NUCB2: variants seen among roughly 807,000 people sequenced by gnomAD.
NUCB2 encodes nucleobindin 2, also known as nucleobindin-2.
In NUCB2, 48 loss-of-function variants were observed where a neutral mutation model predicts 57.9. The ratio of observed to expected loss-of-function variants is 0.83; its 90% CI spans 0.66 to 1.05. The LOEUF (loss-of-function observed/expected upper bound fraction) is 1.05. Ranked by LOEUF, NUCB2 falls within the 50% of genes least tolerant of loss-of-function variation. The pLI, the probability that NUCB2 is intolerant of heterozygous loss-of-function variation, is 0.00. For synonymous variants in NUCB2, 139 were observed against 152.1 expected, an observed-to-expected ratio of 0.91 and a Z score of 0.64; for missense variants, 442 against 476.2, an observed-to-expected ratio of 0.93 and a Z score of 0.67.
chr11:17,282,258 A>ATT (rs71047540), intron 1 of NUCB2, among the ~76,000 whole-genome samples: 5,983 of 102,718 alleles, frequency 0.058, 265 homozygotes, highest in South Asian at 0.07. Context: ...ATATATATAT[A>ATT]TTTTTTTTTT....
intron 2 of NUCB2, among the ~76,000 whole-genome samples, chr11:17,337,797 C>T (rs982009531): frequency 2.0e-5 from 3 of 152,034 alleles, no homozygotes; most frequent in Non-Finnish European, 4.4e-5. Context: ...CCACATCTGG[C>T]TAATTTTTTA....
At chr11:17,333,188 C>T (rs369484657), downstream of NUCB2, 1 of 152,214 alleles carries the variant, frequency 6.6e-6, no homozygotes, top group South Asian at 2.1e-4. Flanking sequence ...AGAGGAATTC[C>T]TTTACCTAAT....
chr11:17,292,311 C>T (rs576188134), intron 2 of NUCB2, among the ~76,000 whole-genome samples: 2 of 152,232 alleles, frequency 1.3e-5, no homozygotes, highest in African/African-American at 4.8e-5. Context: ...TTCTATTTCT[C>T]CTTTTTTCCC....
chr11:17,316,199 T>G (rs1400284710), intron 11 of NUCB2, among the ~76,000 whole-genome samples: 1 of 152,266 alleles, frequency 6.6e-6, no homozygotes, highest in East Asian at 1.9e-4. Context: ...CTTGAACTCC[T>G]GACCTCGTGA....
intron 4 of NUCB2, among the ~76,000 whole-genome samples, chr11:17,296,762 G>T (rs1231297287): frequency 6.6e-6 from 1 of 152,132 alleles, no homozygotes; most frequent in Non-Finnish European, 1.5e-5. Context: ...AGGCCTGAGT[G>T]GCCAAAAGAT....
intron 2 of NUCB2, 134 bp from the exon 3 acceptor site, chr11:17,295,185 TCTTTC>T (rs1945621487): frequency 1.1e-5 from 7 of 653,340 alleles, no homozygotes; most frequent in East Asian, 3.2e-5. Flanking sequence ...TTTAATCTAT[TCTTTC>T]CTTTCCTATA....
At chr11:17,291,167 G>C (rs1038269501) in intron 2 of NUCB2, 1 of 151,898 alleles carries the variant, frequency 6.6e-6, no homozygotes, top group South Asian at 2.1e-4. Context: ...AAATTGAATC[G>C]TATAATATGT....
chr11:17,335,875 C>A (rs1036466473), downstream of NUCB2, among the ~76,000 whole-genome samples: 2 of 152,138 alleles, frequency 1.3e-5, no homozygotes, highest in African/African-American at 4.8e-5. Flanking sequence ...TTATACCATT[C>A]TTCTTCATAT....
chr11:17,317,990 T>TC (rs1949496813), intron 11 of NUCB2, among the ~76,000 whole-genome samples: 1 of 150,332 alleles, frequency 6.7e-6, no homozygotes, highest in Non-Finnish European at 1.5e-5. Flanking sequence ...TTTTTTTTTT[T>TC]TTTTTTAATA....
chr11:17,291,559 A>AAAAAAAAAAAAAAAAAAAAC (rs1944947312), intron 2 of NUCB2, among the ~76,000 whole-genome samples: 1 of 151,072 alleles, frequency 6.6e-6, no homozygotes, highest in Non-Finnish European at 1.5e-5. Flanking sequence ...AAAAAAAAAA[A>AAAAAAAAAAAAAAAAAAAAC]ATCAGTCTTT....
chr11:17,337,230 T>C (rs1951893511), intron 1 of NUCB2: 1 of 152,182 alleles, frequency 6.6e-6, no homozygotes, highest in Admixed American at 6.5e-5. Flanking sequence ...CATGAACCAT[T>C]GTTCCTGGCT....
Position 17,330,442 on chromosome 11 carries a change from T to C in NUCB2, c.1173+145T>C, listed in dbSNP as rs570581031. On this transcript the variant is annotated intron_variant, in intron 12 of 13. Transcript: ENST00000529010. The surrounding 1 kb of genome is among the most constrained non-coding windows in gnomAD (Gnocchi z 4.3). ...ATTTTAAATTTTAATACTTTAAAAC[T>C]GTTTTGTGGAATATTAATCTAAATT... 28 of 474,020 alleles carry C rather than the reference T, an allele frequency of 5.9e-5. 1 individual carries two copies. In the East Asian group the frequency reaches 8.0e-4, roughly 14 times the overall value. 29.4% of individuals were successfully genotyped at this position (474,020 alleles called of 1,614,324 possible). A position where few individuals can be genotyped will look rare whatever the true frequency, so the allele number is the denominator to read the frequency against.
At chr11:17,283,359 C>T (rs1943076965) in intron 2 of NUCB2, 1 of 152,184 alleles carries the variant, frequency 6.6e-6, no homozygotes, top group Non-Finnish European at 1.5e-5. Context: ...CATGTCTGCC[C>T]TCTATAAAAT....
chr11:17,278,110 A>G (rs762452429), intron 1 of NUCB2, among the ~76,000 whole-genome samples: 20 of 151,904 alleles, frequency 1.3e-4, no homozygotes, highest in Non-Finnish European at 2.2e-4. Context: ...AAAGGAGGCA[A>G]AAATTTATTT....
intron 2 of NUCB2, among the ~76,000 whole-genome samples, chr11:17,287,952 C>T (rs1451303544): frequency 6.6e-6 from 1 of 152,088 alleles, no homozygotes; most frequent in Non-Finnish European, 1.5e-5. Flanking sequence ...GATCCGAGAT[C>T]GCGGCACTGC....
chr11:17,277,267 A>C (rs214084), intron 1 of NUCB2, among the ~76,000 whole-genome samples: 1 of 152,040 alleles, frequency 6.6e-6, no homozygotes, highest in Admixed American at 6.6e-5. Context: ...TGGTTAAGCC[A>C]GCAACCTCTG....
chr11:17,280,664 G>C (rs1157983965), intron 1 of NUCB2, among the ~76,000 whole-genome samples: 2 of 152,218 alleles, frequency 1.3e-5, no homozygotes, highest in Non-Finnish European at 2.9e-5. Flanking sequence ...TATGTTGGAT[G>C]CATTGCTTTC....
intron 11 of NUCB2, among the ~76,000 whole-genome samples, chr11:17,322,742 T>A (rs1950179920): frequency 1.3e-5 from 2 of 150,048 alleles, no homozygotes. Context: ...CATTTTTTGA[T>A]GTCCTCTTCA....
At chr11:17,336,247 T>C (rs1038676582), downstream of NUCB2, among the ~76,000 whole-genome samples, 6 of 152,070 alleles carry the variant, frequency 3.9e-5, no homozygotes, top group Non-Finnish European at 7.4e-5. Flanking sequence ...CCAGCTTGCA[T>C]TGTACTTTTA....
Sources: allele counts gnomAD v4.1 joint callset (sites outside exome capture counted in the v4.1 genomes callset), GRCh38; gene constraint gnomAD v4.1.1; non-coding constraint Gnocchi (gnomAD v3.1); transcripts MANE v1.5; gene names NCBI Gene and HGNC (gene_info 2026-07-23, HGNC 2026-07-21).